Variants in MMP16 observed in about 807,000 individuals in gnomAD.
The protein encoded by MMP16 is matrix metallopeptidase 16.
A neutral mutation model predicts 67.8 loss-of-function variants in MMP16; 12 were observed. That is an observed-to-expected ratio of 0.18 (90% confidence interval 0.11 to 0.29). The LOEUF (loss-of-function observed/expected upper bound fraction) is 0.29, where lower values mean the gene tolerates loss of function less well. Ranked by LOEUF, MMP16 falls within the 10% of genes least tolerant of loss-of-function variation. MMP16 has a pLI of 1.00. For synonymous variants in MMP16, 249 were observed against 255.9 expected, an observed-to-expected ratio of 0.97 and a Z score of 0.26; for missense variants, 475 against 765.7, an observed-to-expected ratio of 0.62 and a Z score of 4.48.
intron 3 of MMP16, among the ~76,000 whole-genome samples, chr8:88,169,143 T>G (rs1332223025): frequency 6.6e-6 from 1 of 152,224 alleles, no homozygotes; most frequent in African/African-American, 2.4e-5. Context: ...GCATCTCTAA[T>G]GCATGTCATT....
intron 1 of MMP16, among the ~76,000 whole-genome samples, chr8:88,259,833 G>A (rs1467251): frequency 0.22 from 32,887 of 152,078 alleles, 4,127 homozygotes; most frequent in African/African-American, 0.34. Context: ...TGAGCACCCT[G>A]CCTCACGCAT....
intron 4 of MMP16, among the ~76,000 whole-genome samples, chr8:88,124,794 C>G (rs1235580540): frequency 6.6e-6 from 1 of 151,912 alleles, no homozygotes; most frequent in Non-Finnish European, 1.5e-5. Context: ...TTCTGGAGGC[C>G]AGAAATCTGA....
chr8:88,074,004 A>T (rs1407928986), intron 7 of MMP16, among the ~76,000 whole-genome samples: 1 of 152,186 alleles, frequency 6.6e-6, no homozygotes, highest in Non-Finnish European at 1.5e-5. Flanking sequence ...TTTTGAGAAT[A>T]AAATAATAGG....
rs1243388174 is a variant in MMP16, at chr8:88,216,263, A to T, written c.133-18957T>A. ...TAAAAGTTCTTCATGACAGTTTTTT[A>T]AAAAAATTAAAATAGTCATAAACTT... On this transcript the variant is annotated intron_variant, in intron 1 of 9. Coordinates refer to ENST00000286614, the MANE Select transcript of MMP16 (RefSeq NM_005941.5). Among the ~76,000 whole-genome samples, 5 of 152,302 alleles carry T rather than the reference A, an allele frequency of 3.3e-5. No individual in the cohort carries two copies. In the East Asian group the frequency reaches 5.8e-4, roughly 18 times the overall value.
At chr8:88,209,945 T>C (rs1045566568) in intron 1 of MMP16, among the ~76,000 whole-genome samples, 5 of 152,092 alleles carry the variant, frequency 3.3e-5, no homozygotes, top group African/African-American at 1.2e-4. Flanking sequence ...AATTAGGAGG[T>C]AGGGCCTTTG....
At chr8:88,078,988 G>A (rs1485047579) in intron 6 of MMP16, among the ~76,000 whole-genome samples, 1 of 152,088 alleles carries the variant, frequency 6.6e-6, no homozygotes, top group Non-Finnish European at 1.5e-5. Context: ...GTATTTCACT[G>A]AGATGACTGC....
At chr8:88,284,206 A>C (rs1810787398) in intron 1 of MMP16, among the ~76,000 whole-genome samples, 1 of 152,190 alleles carries the variant, frequency 6.6e-6, no homozygotes. Context: ...TCCAAATACA[A>C]AAAGCAATGT....
chr8:88,230,227 G>A (rs747062226), intron 1 of MMP16, among the ~76,000 whole-genome samples: 5 of 152,104 alleles, frequency 3.3e-5, no homozygotes, highest in Non-Finnish European at 5.9e-5. Context: ...TTCACGAGAT[G>A]CAGATGCTGC....
intron 4 of MMP16, among the ~76,000 whole-genome samples, chr8:88,148,471 A>G (rs1361571032): frequency 6.6e-6 from 1 of 152,162 alleles, no homozygotes; most frequent in Non-Finnish European, 1.5e-5. Context: ...TAGAGGATAC[A>G]TATTTGCTTA....
At chr8:88,319,504 G>T (rs992096740) in intron 1 of MMP16, among the ~76,000 whole-genome samples, 1 of 151,802 alleles carries the variant, frequency 6.6e-6, no homozygotes, top group Non-Finnish European at 1.5e-5. Context: ...AAGAAGGAAT[G>T]AATGCACAGA....
At chr8:88,233,787 C>T (rs1255964864) in intron 1 of MMP16, among the ~76,000 whole-genome samples, 1 of 152,144 alleles carries the variant, frequency 6.6e-6, no homozygotes, top group Non-Finnish European at 1.5e-5. Flanking sequence ...ACAACTTGTC[C>T]CTAATGTGGG....
intron 1 of MMP16, among the ~76,000 whole-genome samples, chr8:88,272,450 A>G (rs531373879): frequency 2.0e-5 from 3 of 152,330 alleles, no homozygotes; most frequent in East Asian, 1.9e-4. Context: ...CTGCTTCTCT[A>G]TCAAGGAAAA....
chr8:88,218,055 A>G (rs1477533312), intron 1 of MMP16, among the ~76,000 whole-genome samples: 2 of 151,996 alleles, frequency 1.3e-5, no homozygotes, highest in Non-Finnish European at 2.9e-5. Flanking sequence ...CCACTATATT[A>G]GGCAAAAGAT....
At chr8:88,085,960 C>T (rs899145196) in intron 6 of MMP16, among the ~76,000 whole-genome samples, 11 of 150,046 alleles carry the variant, frequency 7.3e-5, no homozygotes, top group Non-Finnish European at 2.9e-5. Context: ...TTAGAGAATA[C>T]TAACTTTAAA....
intron 1 of MMP16, among the ~76,000 whole-genome samples, chr8:88,266,408 A>C (rs1810477494): frequency 6.6e-6 from 1 of 152,222 alleles, no homozygotes; most frequent in Non-Finnish European, 1.5e-5. Context: ...CATTTTATGA[A>C]ATAACAGTGT....
intron 1 of MMP16, among the ~76,000 whole-genome samples, chr8:88,284,887 G>A (rs368396351): frequency 7.1e-6 from 1 of 140,962 alleles, no homozygotes. Context: ...CCCTAGTGTC[G>A]TCTAGCCTCA....
intron 6 of MMP16, among the ~76,000 whole-genome samples, chr8:88,104,731 G>T (rs904514664): frequency 6.6e-6 from 1 of 151,430 alleles, no homozygotes; most frequent in African/African-American, 2.4e-5. Context: ...CCTCAGAAAG[G>T]TCCTTCGGGA....
At chr8:88,091,837 G>A (rs747789520) in intron 6 of MMP16, among the ~76,000 whole-genome samples, 2 of 151,738 alleles carry the variant, frequency 1.3e-5, no homozygotes, top group Non-Finnish European at 2.9e-5. Context: ...AGTTGCACTA[G>A]CCACACTTCA....
intron 1 of MMP16, among the ~76,000 whole-genome samples, chr8:88,290,318 C>A (rs1241090676): frequency 6.6e-6 from 1 of 151,840 alleles, no homozygotes; most frequent in African/African-American, 2.4e-5. Context: ...CTTGGGAGGC[C>A]GAGGCGGGTG....
Sources: gnomAD v4.1 joint callset for allele counts (sites outside exome capture counted in the v4.1 genomes callset) on GRCh38, gnomAD v4.1.1 for gene constraint, MANE v1.5 for transcripts, NCBI Gene and HGNC (gene_info 2026-07-23, HGNC 2026-07-21) for gene names.